The following FKBP6 variants were observed in gnomAD, a reference collection of about 807,000 sequenced individuals.
FKBP6 encodes the protein FKBP prolyl isomerase family member 6 (inactive).
In FKBP6, 29 loss-of-function variants were observed where a neutral mutation model predicts 41.7. That is an observed-to-expected ratio of 0.70 (90% CI 0.52 to 0.95). The LOEUF (loss-of-function observed/expected upper bound fraction) is 0.95. FKBP6 is among the 40% of genes least tolerant of loss of function. The pLI, the probability that FKBP6 is intolerant of heterozygous loss-of-function variation, is 0.00. For missense variants in FKBP6, 338 were observed against 408.7 expected (o/e 0.83, Z 1.49); for synonymous variants, 130 against 165.1 (o/e 0.79, Z 1.63).
chr7:73,351,866 AAGAC>A (rs1805500091), intron 8 of FKBP6, among the ~76,000 whole-genome samples: 3 of 151,670 alleles, frequency 2.0e-5, no homozygotes, highest in South Asian at 2.1e-4. Context: ...ATGGGGTTGA[AAGAC>A]AGAACATTTG....
At chr7:73,354,905 C>A (rs1239207455) in intron 8 of FKBP6, among the ~76,000 whole-genome samples, 1 of 152,206 alleles carries the variant, frequency 6.6e-6, no homozygotes, top group South Asian at 2.1e-4. Context: ...CGACACCCAC[C>A]GCCACCGTGG....
At chr7:73,341,969 G>A (rs2115904320) in intron 7 of FKBP6, among the ~76,000 whole-genome samples, 1 of 151,834 alleles carries the variant, frequency 6.6e-6, no homozygotes, top group Middle Eastern at 3.4e-3. Flanking sequence ...ACTGGCCCCG[G>A]TGTCACTTAA....
At chr7:73,338,792 G>A (rs556922356) in intron 5 of FKBP6, among the ~76,000 whole-genome samples, 6 of 152,094 alleles carry the variant, frequency 3.9e-5, no homozygotes, top group Non-Finnish European at 5.9e-5. Flanking sequence ...ATGTCTATTC[G>A]GAGTCTATGC....
Position 73,338,711 on chromosome 7 carries a change from TC to T in FKBP6, c.589-1924del, listed in dbSNP as rs1434874217. On this transcript the variant is annotated intron_variant, in intron 5 of 8. Transcript: ENST00000252037. ...TCTCACTGTGGTTTTGATTTGCATT[TC>T]CCTGATGACTGATGACATTGGACAT... 4.6e-5 allele frequency among the ~76,000 whole-genome samples: 7 copies of T among 152,352 alleles called. No homozygotes were observed. In the East Asian group the frequency reaches 1.3e-3, roughly 29 times the overall value.
chr7:73,342,318 C>T (rs1805215279), intron 7 of FKBP6, among the ~76,000 whole-genome samples: 1 of 152,194 alleles, frequency 6.6e-6, no homozygotes, highest in Admixed American at 6.5e-5. Flanking sequence ...CTCTACTTGT[C>T]TTAATATTAA....
At chr7:73,352,489 T>C (rs1554551288) in intron 8 of FKBP6, among the ~76,000 whole-genome samples, 1 of 152,198 alleles carries the variant, frequency 6.6e-6, no homozygotes, top group Non-Finnish European at 1.5e-5. Flanking sequence ...CAGTGCCTTG[T>C]ACCTTCTAGG....
chr7:73,339,289 A>G (rs184708832), intron 5 of FKBP6: 7 of 152,320 alleles, frequency 4.6e-5, no homozygotes, highest in Non-Finnish European at 8.8e-5. Flanking sequence ...ATTCTTTTGC[A>G]TGTTGATAGT....
intron 8 of FKBP6, among the ~76,000 whole-genome samples, chr7:73,349,264 C>T (rs1805418323): frequency 6.7e-6 from 1 of 149,782 alleles, no homozygotes; most frequent in African/African-American, 2.5e-5. Context: ...GCAAAATTAG[C>T]CAGGCGTGGT....
Position 73,328,163 on chromosome 7 carries a change from C to T in FKBP6, c.-266C>T. 2.6e-6 allele frequency: 4 copies of T among 1,532,488 alleles called. No homozygotes were observed. In the South Asian group the frequency reaches 3.6e-5, roughly 14 times the overall value. The allele number at this position is 1,532,488 out of a possible 1,614,324, so 94.9% of individuals were successfully genotyped here. On this transcript the variant is annotated 5_prime_UTR_variant, in exon 1 of 9. Transcript: ENST00000252037. ...TGCGTGGTCCCGTTACGTGTCCCAT[C>T]ATGTTTCGTGCGCTCCCATTACGGA... is the stretch of plus-strand genomic sequence containing the variant.
intron 5 of FKBP6, among the ~76,000 whole-genome samples, chr7:73,334,155 C>T (rs1804933120): frequency 6.6e-6 from 1 of 152,154 alleles, no homozygotes; most frequent in Non-Finnish European, 1.5e-5. Flanking sequence ...TTCTTTATTC[C>T]TTTCTACGTG....
At chr7:73,345,384 T>C (rs1259586110) in intron 8 of FKBP6, among the ~76,000 whole-genome samples, 1 of 151,822 alleles carries the variant, frequency 6.6e-6, no homozygotes, top group African/African-American at 2.4e-5. Flanking sequence ...CTGTAGGGAG[T>C]GCCCATACAT....
intron 5 of FKBP6, among the ~76,000 whole-genome samples, chr7:73,336,570 C>T (rs1348150995): frequency 2.0e-5 from 3 of 152,086 alleles, no homozygotes; most frequent in East Asian, 1.9e-4. Context: ...TTTGTGCCCT[C>T]GTTAATGTCA....
At chr7:73,338,272 C>T (rs975153582) in intron 5 of FKBP6, among the ~76,000 whole-genome samples, 11 of 152,146 alleles carry the variant, frequency 7.2e-5, no homozygotes, top group African/African-American at 2.7e-4. Flanking sequence ...ATGATCCGCC[C>T]ACCTCAGCCT....
At position 73,358,354 on chromosome 7, in the gene FKBP6, GTT is replaced by G. The variant is rs1805695108; in HGVS notation, c.*179_*180del. 1 of 152,288 alleles carries G rather than the reference GTT, an allele frequency of 6.6e-6. No individual in the cohort carries two copies. The highest frequency in any genetic ancestry group is 1.5e-5 in the Non-Finnish European group (1 of 68,012). The allele number at this position is 152,288 out of a possible 1,614,324, so 9.4% of individuals were successfully genotyped here. ...CGTGTTTTCACAGGTGCTGTTTTCTGTTTTCCGTGTTCGTAACAGAAGGGAGG... is the reference window on the plus strand; with the variant it reads ...CGTGTTTTCACAGGTGCTGTTTTCTGTTCCGTGTTCGTAACAGAAGGGAGG... On this transcript the variant is annotated 3_prime_UTR_variant, in exon 9 of 9. Transcript: ENST00000252037.
intron 8 of FKBP6, among the ~76,000 whole-genome samples, chr7:73,344,914 T>C (rs1432584648): frequency 6.6e-6 from 1 of 152,192 alleles, no homozygotes; most frequent in Admixed American, 6.5e-5. Context: ...GTTCTTTTCA[T>C]CTTAGATGTT....
intron 8 of FKBP6, among the ~76,000 whole-genome samples, chr7:73,349,730 A>G (rs1409848043): frequency 2.0e-5 from 3 of 150,830 alleles, no homozygotes; most frequent in Admixed American, 6.6e-5. Flanking sequence ...AAAAAAAAAA[A>G]AAAAAAAGAT....
At chr7:73,357,016 G>A (rs799307) in intron 8 of FKBP6, among the ~76,000 whole-genome samples, 1 of 152,088 alleles carries the variant, frequency 6.6e-6, no homozygotes, top group Admixed American at 6.6e-5. Flanking sequence ...CCTGACCTCA[G>A]GTGATCCCCC....
rs199580691 is a variant in FKBP6 at position 73,331,712 on chromosome 7, G to A, written c.524G>A (p.Arg175Gln). ...QKVLKVAATEREFGNYLFRQN... is the reference protein window; with the variant it reads ...QKVLKVAATEQEFGNYLFRQN... ...GTCCTGAAAGTGGCAGCTACGGAAC[G>A]GGAGTTTGGCAACTACCTTTTCCGC... The change falls in exon 5 of 9, where the codon CGG (arginine) becomes CAG (glutamine). Residue 175 changes from arginine to glutamine, a missense_variant. By Grantham distance (43) the Arg-to-Gln change is conservative. Coordinates refer to ENST00000252037, the MANE Select transcript of FKBP6 (RefSeq NM_003602.5). 1.9e-4 allele frequency: 309 copies of A among 1,613,824 alleles called. 2 individuals carry two copies. In the East Asian group the frequency reaches 6.3e-3, roughly 33 times the overall value.
At chr7:73,351,099 A>AGATG (rs1554551065) in intron 8 of FKBP6, among the ~76,000 whole-genome samples, 1 of 152,004 alleles carries the variant, frequency 6.6e-6, no homozygotes, top group Non-Finnish European at 1.5e-5. Context: ...TAATTTTTTT[A>AGATG]GATGGAGTCT....
Sources: gnomAD v4.1 joint callset for allele counts (sites outside exome capture counted in the v4.1 genomes callset) on GRCh38, gnomAD v4.1.1 for gene constraint, MANE v1.5 for transcripts, NCBI Gene and HGNC (gene_info 2026-07-23, HGNC 2026-07-21) for gene names.